Variants in ASTN1 observed in about 807,000 individuals in gnomAD.
ASTN1 encodes the protein astrotactin-1.
A neutral mutation model predicts 140.7 loss-of-function variants in ASTN1; 41 were observed. The observed-to-expected ratio is 0.29, with a 90% confidence interval of 0.23 to 0.38. The LOEUF (loss-of-function observed/expected upper bound fraction) is 0.38, where lower values mean the gene tolerates loss of function less well. Among genes scored for constraint, ASTN1 ranks in the 10% least tolerant of loss-of-function variants. The probability of loss-of-function intolerance (pLI) is 1.00; values close to 1 mark genes in which losing one functional copy is unlikely to be tolerated. For synonymous variants in ASTN1, 640 were observed against 652.2 expected, an observed-to-expected ratio of 0.98 and a Z score of 0.29; for missense variants, 1,479 against 1,678.8, an observed-to-expected ratio of 0.88 and a Z score of 2.08.
intron 1 of ASTN1, among the ~76,000 whole-genome samples, chr1:177,128,673 T>C (rs1203837912): frequency 6.6e-6 from 1 of 152,218 alleles, no homozygotes; most frequent in Non-Finnish European, 1.5e-5. Flanking sequence ...CAAAAGTGTG[T>C]TTATGGTCTT....
intron 16 of ASTN1, among the ~76,000 whole-genome samples, chr1:176,896,615 C>G (rs1669516504): frequency 6.6e-6 from 1 of 152,222 alleles, no homozygotes; most frequent in African/African-American, 2.4e-5. Flanking sequence ...TCTGGGCAAA[C>G]AGCCCTTCAT....
intron 5 of ASTN1, among the ~76,000 whole-genome samples, chr1:177,025,655 A>G (rs1676070746): frequency 6.6e-6 from 1 of 152,180 alleles, no homozygotes; most frequent in Non-Finnish European, 1.5e-5. Flanking sequence ...GTTTCCATTA[A>G]GGCAGACACT....
intron 2 of ASTN1, among the ~76,000 whole-genome samples, chr1:177,055,367 G>A (rs987810588): frequency 6.6e-6 from 1 of 152,226 alleles, no homozygotes; most frequent in Non-Finnish European, 1.5e-5. Context: ...CCAGGTGAGG[G>A]ATGTTTGTAA....
At chr1:177,086,016 C>A (rs1049745083) in intron 1 of ASTN1, among the ~76,000 whole-genome samples, 12 of 152,156 alleles carry the variant, frequency 7.9e-5, no homozygotes, top group Non-Finnish European at 1.6e-4. Context: ...CTCCACAATG[C>A]TCCTGGAAAG....
At chr1:176,958,209 G>T in intron 10 of ASTN1, 136 bp downstream of exon 10, 2 of 1,334,672 alleles carry the variant, frequency 1.5e-6, no homozygotes, top group South Asian at 2.6e-5. Flanking sequence ...CACAACATAG[G>T]GGGAATTTGC....
At chr1:176,917,379 C>T (rs958329377) in intron 16 of ASTN1, among the ~76,000 whole-genome samples, 9 of 152,096 alleles carry the variant, frequency 5.9e-5, no homozygotes, top group Non-Finnish European at 1.2e-4. Context: ...GATTTTCTTT[C>T]GTTTGCTGTC....
intron 14 of ASTN1, among the ~76,000 whole-genome samples, chr1:176,943,216 C>T (rs1046750695): frequency 1.3e-5 from 2 of 151,974 alleles, no homozygotes; most frequent in African/African-American, 4.8e-5. Context: ...CCGGGAGGTG[C>T]CAGCTGGGGG....
intron 12 of ASTN1, among the ~76,000 whole-genome samples, chr1:176,947,168 C>T (rs994155968): frequency 3.3e-5 from 5 of 152,202 alleles, no homozygotes; most frequent in Non-Finnish European, 7.3e-5. Flanking sequence ...TGATTAACCT[C>T]TCTGAGCTTC....
At chr1:176,896,551 G>T (rs1419381297) in intron 16 of ASTN1, among the ~76,000 whole-genome samples, 1 of 152,102 alleles carries the variant, frequency 6.6e-6, no homozygotes, top group East Asian at 1.9e-4. Context: ...TATACTGTAC[G>T]GATTGGGCGG....
intron 17 of ASTN1, among the ~76,000 whole-genome samples, chr1:176,892,469 C>A (rs1669308084): frequency 6.6e-6 from 1 of 152,118 alleles, no homozygotes; most frequent in Non-Finnish European, 1.5e-5. Context: ...CCCTAGTCTC[C>A]AGTTCAGGCA....
At position 176,863,754 on chromosome 1, in the gene ASTN1, G is replaced by T; in HGVS notation, c.*530C>A. The T allele has an allele frequency of 1.0e-6, 1 of 987,206 alleles. No individual in the cohort carries two copies. The highest frequency in any genetic ancestry group is 1.2e-6 in the Non-Finnish European group (1 of 831,134). The allele number at this position is 987,206 out of a possible 1,614,324, so 61.2% of individuals were successfully genotyped here. On this transcript the variant is annotated 3_prime_UTR_variant, in exon 23 of 23. Coordinates refer to ENST00000361833, the MANE Select transcript of ASTN1 (RefSeq NM_004319.3). The stretch of plus-strand genomic sequence containing the variant: ...AGAAAACCAGGAGACACAGACAAGG[G>T]CCACCTTCCTCAATTTTCTATTGTC...
chr1:177,097,882 T>G (rs1167071357), intron 1 of ASTN1, among the ~76,000 whole-genome samples: 1 of 152,142 alleles, frequency 6.6e-6, no homozygotes, highest in Admixed American at 6.5e-5. Context: ...TTAGAGAGCT[T>G]CCATGTTGGC....
chr1:177,096,120 C>T (rs1008126307), intron 1 of ASTN1, among the ~76,000 whole-genome samples: 2 of 152,180 alleles, frequency 1.3e-5, no homozygotes, highest in African/African-American at 4.8e-5. Context: ...CTATCCTATA[C>T]TTATCCCACC....
chr1:176,962,240 G>A (rs1672695651), intron 9 of ASTN1, among the ~76,000 whole-genome samples: 1 of 152,142 alleles, frequency 6.6e-6, no homozygotes, highest in Non-Finnish European at 1.5e-5. Context: ...AGGACTTCTT[G>A]GACACTGGAA....
intron 14 of ASTN1, among the ~76,000 whole-genome samples, chr1:176,940,628 T>C (rs1198280559): frequency 6.6e-6 from 1 of 152,224 alleles, no homozygotes; most frequent in African/African-American, 2.4e-5. Flanking sequence ...TGATGACGGC[T>C]ATAGCAAACC....
intron 16 of ASTN1, among the ~76,000 whole-genome samples, chr1:176,899,233 G>A (rs1456450775): frequency 6.6e-6 from 1 of 152,230 alleles, no homozygotes; most frequent in African/African-American, 2.4e-5. Context: ...ATTGTGGTAT[G>A]AGAATATCGC....
chr1:176,882,751 A>C (rs1668858142), intron 20 of ASTN1, 108 bp downstream of exon 20: 1 of 1,461,428 alleles, frequency 6.8e-7, no homozygotes, highest in Non-Finnish European at 9.4e-7. Flanking sequence ...TCAGAGACTC[A>C]ACATGTTTTG....
At position 177,030,940 on chromosome 1, in the gene ASTN1, G is replaced by A; in HGVS notation, c.878C>T (p.Ala293Val). The change falls in exon 4 of 23, where the codon GCC (alanine) becomes GTC (valine). Residue 293 changes from alanine (A) to valine (V), a missense_variant. Transcript: ENST00000361833. ...ATACTTGTTCATCAGTGACAGCTTG[G>A]CATTGTCACTTCCTGTATAAGGAAA... ...GMDLTPGSDNAKLSLMNKYKD... is the reference protein window; with the variant it reads ...GMDLTPGSDNVKLSLMNKYKD... 1 of 1,612,890 alleles carries A rather than the reference G, an allele frequency of 6.2e-7. No homozygotes were observed. The highest frequency in any genetic ancestry group is 8.5e-7 in the Non-Finnish European group (1 of 1,179,388).
rs144593640 is a variant in ASTN1, at chr1:176,972,323, G to T, written c.1524-7086C>A. Among the ~76,000 whole-genome samples the T allele has an allele frequency of 2.7e-3, 404 of 152,278 alleles. 3 individuals are homozygous for T. Among genetic ancestry groups the T allele is most frequent in the African/African-American group, 8.7e-3 (362 of 41,544 alleles). The stretch of plus-strand genomic sequence containing the variant: ...ATTCAGAGCCCACATGAGGTTAGCG[G>T]TCAGGGATATTAAATGAGACCGATC... On this transcript the variant is annotated intron_variant, in intron 8 of 22. Coordinates refer to ENST00000361833, the MANE Select transcript of ASTN1 (RefSeq NM_004319.3).
Sources: allele counts gnomAD v4.1 joint callset (sites outside exome capture counted in the v4.1 genomes callset), GRCh38; gene constraint gnomAD v4.1.1; transcripts MANE v1.5; gene names NCBI Gene and HGNC (gene_info 2026-07-23, HGNC 2026-07-21).